ALMS1: variants seen among roughly 807,000 people sequenced by gnomAD.
ALMS1 encodes ALMS1 centrosome and basal body associated protein.
A neutral mutation model predicts 352.2 loss-of-function variants in ALMS1; 271 were observed. The ratio of observed to expected loss-of-function variants is 0.77; its 90% CI spans 0.70 to 0.85. The LOEUF is 0.85. ALMS1 is among the 40% of genes least tolerant of loss of function. The pLI, the probability that ALMS1 is intolerant of heterozygous loss-of-function variation, is 0.00. For missense variants in ALMS1, 5,445 were observed against 4,870.7 expected, an observed-to-expected ratio of 1.12 and a Z score of -3.51; for synonymous variants, 1,865 against 1,761.2, an observed-to-expected ratio of 1.06 and a Z score of -1.48.
intron 1 of ALMS1, among the ~76,000 whole-genome samples, chr2:73,387,740 AGT>A (rs1261051323): frequency 2.0e-5 from 3 of 152,162 alleles, no homozygotes; most frequent in African/African-American, 7.2e-5. Context: ...TGTATAGCAG[AGT>A]GTGGAACAGC....
chr2:73,588,407 T>C (rs1054719029), intron 16 of ALMS1, among the ~76,000 whole-genome samples: 4 of 152,264 alleles, frequency 2.6e-5, no homozygotes, highest in African/African-American at 9.6e-5. Flanking sequence ...TGGTTCCCAC[T>C]GTGTCTGTTG....
Position 73,487,904 on chromosome 2 carries a change from C to G in ALMS1, c.7675-1730C>G, listed in dbSNP as rs545844881. On this transcript the variant is annotated intron_variant, in intron 9 of 22. Transcript: ENST00000613296. ...TCTGCATCTTTCAGCAGAGAAGAGA[C>G]CCGGAGTGGCTAGCTCCTATCTGCA... 5.9e-5 allele frequency among the ~76,000 whole-genome samples: 9 copies of G among 152,284 alleles called. No homozygotes were observed. In the South Asian group the frequency reaches 1.9e-3, roughly 32 times the overall value.
intron 10 of ALMS1, among the ~76,000 whole-genome samples, chr2:73,517,258 T>C (rs1673579274): frequency 6.9e-6 from 1 of 143,946 alleles, no homozygotes; most frequent in Non-Finnish European, 1.5e-5. Flanking sequence ...TTTTTTTTTT[T>C]TTTTTCTTAT....
At chr2:73,560,113 A>G (rs13412516) in intron 15 of ALMS1, among the ~76,000 whole-genome samples, 5,039 of 152,278 alleles carry the variant, frequency 0.033, 280 homozygotes, top group African/African-American at 0.11. Context: ...GAGAGAAGAT[A>G]TTTGCAAATC....
chr2:73,483,318 A>G (rs1471261128), intron 9 of ALMS1, among the ~76,000 whole-genome samples: 62 of 151,274 alleles, frequency 4.1e-4, no homozygotes, highest in Non-Finnish European at 8.1e-4. Flanking sequence ...TTGTGCCTTC[A>G]TTTCGTTATG....
chr2:73,572,484 A>T lies in ALMS1; in HGVS notation c.10607A>T (p.Asp3536Val). The part of the protein sequence containing the change: ...MCLPLPYQNM[D>V]KTKTDYTRIK... ...CTTCCTCTTCCTTATCAAAACATGG[A>T]CAAGACTAAGACAGATTATACCAGA... Residue 3536 changes from aspartate (D) to valine (V), a missense_variant, in exon 16 of 23, where the codon GAC becomes GTC. Asp to Val is a radical substitution (Grantham distance 152). Transcript: ENST00000613296. 1.2e-6 allele frequency: 2 copies of T among 1,613,972 alleles called. No individual in the cohort carries two copies. The highest frequency in any genetic ancestry group is 1.7e-6 in the Non-Finnish European group (2 of 1,179,968).
intron 16 of ALMS1, among the ~76,000 whole-genome samples, chr2:73,580,861 A>G (rs955260269): frequency 6.6e-6 from 1 of 152,230 alleles, no homozygotes; most frequent in Admixed American, 6.5e-5. Context: ...TGTTTGATAG[A>G]GATTTTCTTA....
At position 73,385,903 on chromosome 2, in the gene ALMS1, TGGA is replaced by T. The variant is rs55889738; in HGVS notation, c.72_74del (p.Glu28del). 26,873 of 698,502 alleles carry T rather than the reference TGGA, an allele frequency of 0.038. 613 individuals carry two copies. The highest frequency in any genetic ancestry group is 0.14 in the Admixed American group (6,477 of 45,790). 43.3% of individuals were successfully genotyped at this position (698,502 alleles called of 1,614,324 possible). ...GAGGATCTGCCATGGCCGGGCGAGC[TGGA>T]GGAGGAGGAGGAGGAGGAGGAGGAG... On this transcript the variant is annotated inframe_deletion, in exon 1 of 23. Transcript: ENST00000613296.
At chr2:73,601,847 G>A (rs1372376730) in intron 19 of ALMS1, among the ~76,000 whole-genome samples, 3 of 152,222 alleles carry the variant, frequency 2.0e-5, no homozygotes, top group Admixed American at 1.3e-4. Context: ...TCCCTTGGGG[G>A]ATAAAGGAAA....
chr2:73,461,050 T>C (rs527513992), intron 9 of ALMS1, among the ~76,000 whole-genome samples: 11 of 152,356 alleles, frequency 7.2e-5, no homozygotes, highest in Admixed American at 5.2e-4. Context: ...GTAACCTCTG[T>C]AGACTTAAAT....
At chr2:73,465,870 A>C (rs1199831358) in intron 9 of ALMS1, among the ~76,000 whole-genome samples, 1 of 152,264 alleles carries the variant, frequency 6.6e-6, no homozygotes, top group Non-Finnish European at 1.5e-5. Flanking sequence ...TGCAGGCAAA[A>C]AACACATGAA....
At chr2:73,471,625 G>T (rs114104052) in intron 9 of ALMS1, among the ~76,000 whole-genome samples, 1 of 151,460 alleles carries the variant, frequency 6.6e-6, no homozygotes, top group Admixed American at 6.6e-5. Flanking sequence ...ATTCAATATC[G>T]CTAATCATCA....
chr2:73,391,455 G>T (rs754597004), intron 1 of ALMS1, among the ~76,000 whole-genome samples: 1 of 151,628 alleles, frequency 6.6e-6, no homozygotes, highest in Non-Finnish European at 1.5e-5. Context: ...CACCACGCCC[G>T]GCTATTATTT....
At chr2:73,543,996 C>T (rs1674255587) in intron 12 of ALMS1, among the ~76,000 whole-genome samples, 1 of 152,076 alleles carries the variant, frequency 6.6e-6, no homozygotes, top group African/African-American at 2.4e-5. Flanking sequence ...ACCATTTGAC[C>T]CAGCCATTCC....
chr2:73,560,070 T>C (rs1252731952), intron 15 of ALMS1, among the ~76,000 whole-genome samples: 1 of 152,136 alleles, frequency 6.6e-6, no homozygotes, highest in African/African-American at 2.4e-5. Flanking sequence ...CATGACAAAG[T>C]AGACAAGAGT....
At chr2:73,506,332 A>G (rs1045562644) in intron 10 of ALMS1, among the ~76,000 whole-genome samples, 8 of 152,090 alleles carry the variant, frequency 5.3e-5, no homozygotes, top group Non-Finnish European at 8.8e-5. Context: ...AAGAAAGTCA[A>G]TGGTAGCTTG....
intron 2 of ALMS1, among the ~76,000 whole-genome samples, chr2:73,416,635 A>G (rs931862205): frequency 3.9e-5 from 6 of 152,204 alleles, no homozygotes; most frequent in Admixed American, 3.3e-4. Flanking sequence ...CCGGGAATTA[A>G]AAGATACCTA....
intron 16 of ALMS1, among the ~76,000 whole-genome samples, chr2:73,596,407 A>G (rs1458544393): frequency 6.6e-6 from 1 of 151,014 alleles, no homozygotes; most frequent in Non-Finnish European, 1.5e-5. Context: ...TTGAACACTA[A>G]TTGATCACAT....
rs1359372974 is a variant in ALMS1, at chr2:73,573,498, G to A, written c.11547+74G>A. ...ACTTTTTAGTTAAGCTTTGCACACA[G>A]GTGAAAAAAACAAGCCATTTGCCCT... On this transcript the variant is annotated intron_variant, in intron 16 of 22. Transcript: ENST00000613296. 3 of 1,523,986 alleles carry A rather than the reference G, an allele frequency of 2.0e-6. No homozygotes were observed. The African/African-American group carries it at 4.1e-5, about 21-fold the overall frequency. The allele number at this position is 1,523,986 out of a possible 1,614,324, so 94.4% of individuals were successfully genotyped here. A position where few individuals can be genotyped will look rare whatever the true frequency, so the allele number is the denominator to read the frequency against.
Sources: gnomAD v4.1 joint callset for allele counts (sites outside exome capture counted in the v4.1 genomes callset) on GRCh38, gnomAD v4.1.1 for gene constraint, MANE v1.5 for transcripts, NCBI Gene and HGNC (gene_info 2026-07-23, HGNC 2026-07-21) for gene names.